The following WDR41 variants were observed in gnomAD, a reference collection of about 807,000 sequenced individuals.
WDR41 encodes the protein WD repeat-containing protein 41.
In WDR41, 63 loss-of-function variants were observed where a neutral mutation model predicts 69.3. The observed-to-expected ratio is 0.91, with a 90% CI of 0.74 to 1.12. WDR41 has a LOEUF of 1.12. Among genes scored for constraint, WDR41 ranks in the 50% most tolerant of loss-of-function variants. The pLI is 0.00. For synonymous variants in WDR41, 185 were observed against 192.1 expected (o/e 0.96, Z 0.31); for missense variants, 543 against 534.5 (o/e 1.02, Z -0.16).
chr5:77,595,054 C>G (rs540803013), intron 1 of WDR41, among the ~76,000 whole-genome samples: 5 of 152,084 alleles, frequency 3.3e-5, no homozygotes, highest in Non-Finnish European at 5.9e-5. Flanking sequence ...AATTTGAGAG[C>G]CTTCTGATTA....
rs1380900155 is a variant in WDR41, at chr5:77,432,138, CAAAT to C, written c.*993_*996del. 12 of 152,286 alleles carry C rather than the reference CAAAT, an allele frequency of 7.9e-5. No individual in the cohort carries two copies. The highest frequency in any genetic ancestry group is 1.9e-4 in the African/African-American group (8 of 41,560). The allele number at this position is 152,286 out of a possible 1,614,324, so 9.4% of individuals were successfully genotyped here. A position where few individuals can be genotyped will look rare whatever the true frequency, so the allele number is the denominator to read the frequency against. On this transcript the variant is annotated 3_prime_UTR_variant, in exon 13 of 13. Transcript: ENST00000296679. ...ATTTGTAGTATATTTGTATAATGAA[CAAAT>C]AAATCTGTAGGTTTTCTGTAAGAAG...
rs140651453 is a variant in WDR41 at position 77,498,862 on chromosome 5, T to A, written c.43-9290A>T. ...GAAAAAGAAAAAAAGAAAAAACCAT[T>A]GTGACTTTTTAAAGATTTTATCTCA... On this transcript the variant is annotated intron_variant, in intron 1 of 5. Coordinates refer to the WDR41 transcript ENST00000509971. Among the ~76,000 whole-genome samples the A allele has an allele frequency of 4.0e-5, 6 of 151,512 alleles. No individual in the cohort carries two copies. The East Asian group carries it at 9.7e-4, about 24-fold the overall frequency.
chr5:77,446,693 T>G (rs561877309), intron 8 of WDR41, among the ~76,000 whole-genome samples: 1 of 152,278 alleles, frequency 6.6e-6, no homozygotes, highest in Admixed American at 6.5e-5. Context: ...TCCTATTCAG[T>G]AAATGGTGCT....
intron 1 of WDR41, among the ~76,000 whole-genome samples, chr5:77,617,400 A>C (rs1228216898): frequency 6.6e-6 from 1 of 152,236 alleles, no homozygotes; most frequent in Non-Finnish European, 1.5e-5. Flanking sequence ...ACATACACAC[A>C]CACACACAGA....
At chr5:77,494,640 A>C (rs1801912844), upstream of WDR41, among the ~76,000 whole-genome samples, 1 of 152,204 alleles carries the variant, frequency 6.6e-6, no homozygotes, top group Non-Finnish European at 1.5e-5. Flanking sequence ...TTACACACCT[A>C]ATAATAGACC....
At chr5:77,545,173 T>A (rs1380688742) in intron 1 of WDR41, among the ~76,000 whole-genome samples, 1 of 151,970 alleles carries the variant, frequency 6.6e-6, no homozygotes, top group Non-Finnish European at 1.5e-5. Context: ...AAGGCAGTGC[T>A]AAGAGGAAAG....
At chr5:77,555,078 C>A (rs1429888914) in intron 1 of WDR41, among the ~76,000 whole-genome samples, 1 of 149,198 alleles carries the variant, frequency 6.7e-6, no homozygotes, top group East Asian at 2.0e-4. Flanking sequence ...GACAACAAGA[C>A]CCTGTTTCAA....
At chr5:77,603,527 C>T (rs1380536504) in intron 1 of WDR41, among the ~76,000 whole-genome samples, 1 of 152,212 alleles carries the variant, frequency 6.6e-6, no homozygotes, top group Non-Finnish European at 1.5e-5. Flanking sequence ...AACAGGTTGT[C>T]TCTTCACTGT....
At chr5:77,608,853 T>A (rs1245858247) in intron 1 of WDR41, among the ~76,000 whole-genome samples, 5 of 152,186 alleles carry the variant, frequency 3.3e-5, no homozygotes, top group African/African-American at 1.2e-4. Flanking sequence ...GGGCGAGGCA[T>A]TGCCTCACTC....
At chr5:77,447,967 T>C (rs1435507096) in intron 8 of WDR41, among the ~76,000 whole-genome samples, 1 of 152,232 alleles carries the variant, frequency 6.6e-6, no homozygotes, top group Non-Finnish European at 1.5e-5. Flanking sequence ...TTCTTTAGTT[T>C]TCCCTTTTTT....
chr5:77,464,675 G>C, intron 3 of WDR41, 86 bp downstream of exon 3: 1 of 1,354,390 alleles, frequency 7.4e-7, no homozygotes, highest in Non-Finnish European at 1.0e-6. Flanking sequence ...ATATGTAAAT[G>C]TATCCCCAGA....
chr5:77,605,111 A>C (rs948520102), intron 1 of WDR41, among the ~76,000 whole-genome samples: 1 of 152,174 alleles, frequency 6.6e-6, no homozygotes, highest in Admixed American at 6.5e-5. Flanking sequence ...CAAATTGTTG[A>C]GTCAACTTTT....
chr5:77,475,725 A>C (rs1418549867), intron 2 of WDR41, among the ~76,000 whole-genome samples: 1 of 152,202 alleles, frequency 6.6e-6, no homozygotes, highest in African/African-American at 2.4e-5. Context: ...TGGGGAAAAA[A>C]CAGAGCAGAA....
chr5:77,434,183 T>C (rs1158092207), intron 12 of WDR41, among the ~76,000 whole-genome samples: 1 of 151,732 alleles, frequency 6.6e-6, no homozygotes, highest in African/African-American at 2.4e-5. Context: ...ATTAGCTGGG[T>C]ATCTGTAATC....
rs758399393 is a variant in WDR41, at chr5:77,437,341, G to A, written c.1088C>T (p.Pro363Leu). The A allele has an allele frequency of 5.0e-6, 8 of 1,613,130 alleles. No homozygotes were observed. The highest frequency in any genetic ancestry group is 3.3e-4 in the Middle Eastern group (2 of 6,084). Residue 363 changes from proline (P) to leucine (L), a missense_variant, in exon 11 of 13, where the codon CCA (proline) becomes CTA (leucine). By Grantham distance (98) the Pro-to-Leu change is moderately conservative (BLOSUM62 -3). Transcript: ENST00000296679. ...EKQQLAAEPVPTGFFNMWGFG... is the reference protein window; with the variant it reads ...EKQQLAAEPVLTGFFNMWGFG... ...TTTTGAGAGAAGACACACACCTGTT[G>A]GTACAGGCTCAGCTGCAAGCTGCTG...
intron 12 of WDR41, 132 bp from the exon 13 acceptor site, chr5:77,433,419 AT>A: frequency 1.6e-6 from 1 of 616,430 alleles, no homozygotes; most frequent in Admixed American, 3.9e-5. Flanking sequence ...ACTTCATTTC[AT>A]TTTTCAGTAT....
intron 8 of WDR41, among the ~76,000 whole-genome samples, chr5:77,442,983 AGTCTT>A (rs1344954863): frequency 2.0e-5 from 3 of 150,554 alleles, no homozygotes; most frequent in African/African-American, 4.9e-5. Flanking sequence ...TACAACTGCT[AGTCTT>A]ATTTCAAATA....
At chr5:77,580,570 A>G (rs1743919820) in intron 1 of WDR41, among the ~76,000 whole-genome samples, 3 of 152,074 alleles carry the variant, frequency 2.0e-5, no homozygotes, top group Admixed American at 2.0e-4. Flanking sequence ...ATATAGTGAA[A>G]AAATCATGAA....
intron 1 of WDR41, among the ~76,000 whole-genome samples, chr5:77,613,693 T>C (rs563589948): frequency 1.3e-5 from 2 of 152,326 alleles, no homozygotes; most frequent in South Asian, 2.1e-4. Context: ...ATAAAAACCC[T>C]AGAAGAAAAC....
Sources: gnomAD v4.1 joint callset for allele counts (sites outside exome capture counted in the v4.1 genomes callset) on GRCh38, gnomAD v4.1.1 for gene constraint, MANE v1.5 for transcripts, NCBI Gene and HGNC (gene_info 2026-07-23, HGNC 2026-07-21) for gene names.